Variants in XKR4 observed in about 807,000 individuals in gnomAD.
XKR4 encodes XK related 4, also known as XK-related protein 4.
A neutral mutation model predicts 53.9 loss-of-function variants in XKR4; 12 were observed. The observed-to-expected ratio is 0.22, with a 90% CI of 0.14 to 0.36. The LOEUF is 0.36. Ranked by LOEUF, XKR4 falls within the 10% of genes least tolerant of loss-of-function variation. XKR4 has a pLI of 1.00. For synonymous variants in XKR4, 354 were observed against 362.4 expected (o/e 0.98, Z 0.26); for missense variants, 799 against 859.5 (o/e 0.93, Z 0.88).
chr8:55,123,866 TTA>T (rs1816426070), intron 1 of XKR4, among the ~76,000 whole-genome samples: 1 of 152,212 alleles, frequency 6.6e-6, no homozygotes, highest in African/African-American at 2.4e-5. Flanking sequence ...CACCATTTTT[TTA>T]GACTCTGAAA....
intron 1 of XKR4, among the ~76,000 whole-genome samples, chr8:55,295,326 T>C (rs1315716513): frequency 6.6e-6 from 1 of 152,156 alleles, no homozygotes; most frequent in African/African-American, 2.4e-5. Context: ...GCTGAGGACA[T>C]CAGAGAATAT....
intron 2 of XKR4, among the ~76,000 whole-genome samples, chr8:55,508,809 G>T (rs1806581880): frequency 6.6e-6 from 1 of 152,210 alleles, no homozygotes; most frequent in Admixed American, 6.5e-5. Context: ...GAAAATGAAT[G>T]GAGTCATCGC....
chr8:55,263,294 G>A (rs766996783), intron 1 of XKR4, among the ~76,000 whole-genome samples: 22 of 152,178 alleles, frequency 1.4e-4, no homozygotes, highest in Non-Finnish European at 2.8e-4. Flanking sequence ...TGACACCACC[G>A]TGGCCGTTGT....
intron 2 of XKR4, among the ~76,000 whole-genome samples, chr8:55,378,232 T>C (rs1015799748): frequency 3.3e-5 from 5 of 152,164 alleles, no homozygotes; most frequent in African/African-American, 1.2e-4. Context: ...TCTTATAAAT[T>C]TACACTATCA....
At chr8:55,218,701 C>G (rs1007884797) in intron 1 of XKR4, among the ~76,000 whole-genome samples, 1 of 152,162 alleles carries the variant, frequency 6.6e-6, no homozygotes, top group African/African-American at 2.4e-5. Context: ...TTTCAGTGTT[C>G]AGTCACAAGG....
At chr8:55,360,793 G>T (rs1803891721) in intron 2 of XKR4, among the ~76,000 whole-genome samples, 1 of 152,202 alleles carries the variant, frequency 6.6e-6, no homozygotes, top group Admixed American at 6.5e-5. Flanking sequence ...ACTGTTATTA[G>T]GTATTGTATT....
At chr8:55,266,864 T>C (rs1411767164) in intron 1 of XKR4, among the ~76,000 whole-genome samples, 4 of 152,148 alleles carry the variant, frequency 2.6e-5, no homozygotes, top group Admixed American at 2.6e-4. Context: ...TGTATAAATA[T>C]CATTAGCATC....
chr8:55,102,650 C>T lies in XKR4; in HGVS notation c.162C>T (p.Cys54=). The T allele has an allele frequency of 1.1e-5, 14 of 1,313,954 alleles. No individual in the cohort carries two copies. Among genetic ancestry groups the T allele is most frequent in the Non-Finnish European group, 1.4e-5 (14 of 1,020,562 alleles). 81.4% of individuals were successfully genotyped at this position (1,313,954 alleles called of 1,614,324 possible). A position where few individuals can be genotyped will look rare whatever the true frequency, so the allele number is the denominator to read the frequency against. ...AEDEEAAGGG[C]CPDGGGCSRC... ...ACGAGGAGGCGGCCGGGGGCGGCTG[C>T]TGCCCGGACGGCGGCGGCTGCTCGC... Residue 54 remains cysteine, a synonymous_variant, in exon 1 of 3, where the codon TGC becomes TGT. Transcript: ENST00000327381. The surrounding 1 kb of genome is among the most constrained non-coding windows in gnomAD (Gnocchi z 5.1).
At chr8:55,304,882 A>G (rs1357568238) in intron 1 of XKR4, among the ~76,000 whole-genome samples, 2 of 152,118 alleles carry the variant, frequency 1.3e-5, no homozygotes, top group Non-Finnish European at 2.9e-5. Context: ...TTTTGAGCCT[A>G]TGTGCAGACA....
chr8:55,448,250 G>C (rs929876251), intron 2 of XKR4, among the ~76,000 whole-genome samples: 1 of 152,172 alleles, frequency 6.6e-6, no homozygotes, highest in Non-Finnish European at 1.5e-5. Flanking sequence ...CTCTGGAAAA[G>C]AGTGACTCAA....
intron 1 of XKR4, among the ~76,000 whole-genome samples, chr8:55,218,914 G>T (rs1252782661): frequency 6.6e-6 from 1 of 152,082 alleles, no homozygotes; most frequent in Admixed American, 6.6e-5. Context: ...GCACACAAGA[G>T]CAGGCATTTG....
intron 1 of XKR4, among the ~76,000 whole-genome samples, chr8:55,182,995 T>C (rs1817331305): frequency 1.3e-5 from 2 of 152,072 alleles, no homozygotes; most frequent in African/African-American, 4.8e-5. Context: ...GTTTATGTCT[T>C]TCAGGAATTG....
chr8:55,124,844 C>T (rs887291149), intron 1 of XKR4, among the ~76,000 whole-genome samples: 2 of 152,140 alleles, frequency 1.3e-5, no homozygotes, highest in Admixed American at 1.3e-4. Context: ...CTCCCAAAGT[C>T]AATATCCTCA....
intron 1 of XKR4, among the ~76,000 whole-genome samples, chr8:55,278,360 A>G (rs1015092337): frequency 7.3e-5 from 11 of 150,636 alleles, no homozygotes; most frequent in Non-Finnish European, 1.2e-4. Context: ...AAAAGCATAC[A>G]TCATTCACAA....
At chr8:55,303,572 G>C (rs960225525) in intron 1 of XKR4, among the ~76,000 whole-genome samples, 5 of 152,212 alleles carry the variant, frequency 3.3e-5, no homozygotes, top group Non-Finnish European at 4.4e-5. Flanking sequence ...AGAAGGAATG[G>C]TACCAGCTCC....
chr8:55,252,227 A>G (rs1335876803), intron 1 of XKR4, among the ~76,000 whole-genome samples: 8 of 152,246 alleles, frequency 5.3e-5, no homozygotes, highest in Admixed American at 5.2e-4. Context: ...ACTAAGCATA[A>G]GAAAAGCAAA....
chr8:55,275,951 T>C (rs1818757334), intron 1 of XKR4, among the ~76,000 whole-genome samples: 1 of 152,236 alleles, frequency 6.6e-6, no homozygotes, highest in South Asian at 2.1e-4. Context: ...GCTTTTCTTC[T>C]CCGCCCTGTT....
Position 55,533,093 on chromosome 8 carries a change from G to C in XKR4, c.*8866G>C, listed in dbSNP as rs754796614. On this transcript the variant is annotated 3_prime_UTR_variant, in exon 3 of 3. Transcript: ENST00000327381. ...GTTCCAAAACACTACTAAATGTGTTGAAAATATAGTTTGAGTTTCTATGAT... is the reference window on the plus strand; with the variant it reads ...GTTCCAAAACACTACTAAATGTGTTCAAAATATAGTTTGAGTTTCTATGAT... The C allele has an allele frequency of 3.3e-5, 5 of 152,134 alleles. No homozygotes were observed. The highest frequency in any genetic ancestry group is 7.4e-5 in the Non-Finnish European group (5 of 68,022). The allele number at this position is 152,134 out of a possible 1,614,324, so 9.4% of individuals were successfully genotyped here.
At chr8:55,304,927 C>T (rs564979543) in intron 1 of XKR4, among the ~76,000 whole-genome samples, 1 of 152,090 alleles carries the variant, frequency 6.6e-6, no homozygotes, top group African/African-American at 2.4e-5. Flanking sequence ...TAAGCTTCAT[C>T]ATAACAGAAA....
Sources: allele counts gnomAD v4.1 joint callset (sites outside exome capture counted in the v4.1 genomes callset), GRCh38; gene constraint gnomAD v4.1.1; non-coding constraint Gnocchi (gnomAD v3.1); transcripts MANE v1.5; gene names NCBI Gene and HGNC (gene_info 2026-07-23, HGNC 2026-07-21).